The following RNF150 variants were observed in gnomAD, a reference collection of about 807,000 sequenced individuals.
RNF150 encodes the protein ring finger protein 150.
In RNF150, 24 loss-of-function variants were observed where a neutral mutation model predicts 39.3. The ratio of observed to expected loss-of-function variants is 0.61; its 90% CI spans 0.44 to 0.86. The LOEUF (loss-of-function observed/expected upper bound fraction) is 0.86, where lower values mean the gene tolerates loss of function less well. Among genes scored for constraint, RNF150 ranks in the 40% least tolerant of loss-of-function variants. The pLI, the probability that RNF150 is intolerant of heterozygous loss-of-function variation, is 0.00. For missense variants in RNF150, 502 were observed against 587.8 expected (o/e 0.85, Z 1.51); for synonymous variants, 255 against 227.3 (o/e 1.12, Z -1.10).
intron 1 of RNF150, among the ~76,000 whole-genome samples, chr4:141,024,299 G>A (rs1735608497): frequency 6.6e-6 from 1 of 152,094 alleles, no homozygotes; most frequent in Admixed American, 6.5e-5. Flanking sequence ...CTTAGCTTAA[G>A]AAGGCTGTCT....
intron 1 of RNF150, among the ~76,000 whole-genome samples, chr4:141,004,825 TAAC>T (rs1734805252): frequency 6.6e-6 from 1 of 152,160 alleles, no homozygotes; most frequent in African/African-American, 2.4e-5. Flanking sequence ...TAACAGAAGT[TAAC>T]AAATATCTAC....
intron 1 of RNF150, among the ~76,000 whole-genome samples, chr4:141,037,655 C>A (rs1329709880): frequency 6.6e-6 from 1 of 152,074 alleles, no homozygotes; most frequent in Non-Finnish European, 1.5e-5. Flanking sequence ...ATCAAAAGAG[C>A]CTTTTTCCCA....
intron 1 of RNF150, among the ~76,000 whole-genome samples, chr4:141,030,066 G>A (rs2110820601): frequency 6.6e-6 from 1 of 152,078 alleles, no homozygotes; most frequent in East Asian, 1.9e-4. Context: ...TGTGGTGGCA[G>A]GTGCCTTAGT....
At chr4:141,008,825 G>C (rs965586884) in intron 1 of RNF150, among the ~76,000 whole-genome samples, 1 of 151,802 alleles carries the variant, frequency 6.6e-6, no homozygotes, top group Non-Finnish European at 1.5e-5. Context: ...TTCATATCTG[G>C]TGGTGTAAGT....
chr4:141,153,615 G>A (rs1727336368), intron 1 of RNF150, among the ~76,000 whole-genome samples: 1 of 152,156 alleles, frequency 6.6e-6, no homozygotes, highest in African/African-American at 2.4e-5. Flanking sequence ...AGAAATAATG[G>A]TAAAACATCT....
At chr4:141,208,509 T>A (rs1243513735) in intron 1 of RNF150, among the ~76,000 whole-genome samples, 1 of 152,226 alleles carries the variant, frequency 6.6e-6, no homozygotes, top group Non-Finnish European at 1.5e-5. Flanking sequence ...GCCATCACCC[T>A]GTCAGGATAT....
intron 1 of RNF150, among the ~76,000 whole-genome samples, chr4:141,103,680 C>T (rs1388550522): frequency 2.0e-5 from 3 of 152,132 alleles, no homozygotes; most frequent in Admixed American, 1.3e-4. Context: ...TAATGGTTTC[C>T]TCTACTTCAT....
At position 141,129,869 on chromosome 4, in the gene RNF150, A is replaced by T. The variant is rs1476025697; in HGVS notation, c.484+2456T>A. ...TTAAACGACAGGTTGCATAACACTA[A>T]ATACAGACCTTCTCACCTGAAATCT... On this transcript the variant is annotated intron_variant, in intron 1 of 6. Transcript: ENST00000515673. 2.6e-5 allele frequency among the ~76,000 whole-genome samples: 4 copies of T among 152,222 alleles called. No homozygotes were observed. In the East Asian group the frequency reaches 7.7e-4, roughly 29 times the overall value.
chr4:140,976,338 A>G (rs989399239), intron 1 of RNF150, among the ~76,000 whole-genome samples: 2 of 151,772 alleles, frequency 1.3e-5, no homozygotes, highest in African/African-American at 4.8e-5. Context: ...CCATCTGCCA[A>G]CCTCCTGTTA....
At chr4:141,063,074 G>T (rs1472609091) in intron 1 of RNF150, among the ~76,000 whole-genome samples, 1 of 152,122 alleles carries the variant, frequency 6.6e-6, no homozygotes, top group African/African-American at 2.4e-5. Context: ...CCTATGCATT[G>T]TTTAGATAGA....
At chr4:141,061,058 A>G (rs1199004778) in intron 1 of RNF150, among the ~76,000 whole-genome samples, 1 of 152,110 alleles carries the variant, frequency 6.6e-6, no homozygotes, top group Non-Finnish European at 1.5e-5. Context: ...TGATGGGTGC[A>G]GCAAACCACC....
At chr4:140,901,956 G>T (rs1414395716) in intron 6 of RNF150, among the ~76,000 whole-genome samples, 1 of 152,164 alleles carries the variant, frequency 6.6e-6, no homozygotes, top group Non-Finnish European at 1.5e-5. Flanking sequence ...ATGGGAGTGG[G>T]GAAGAGGCAG....
rs186441081 is a variant in RNF150, at chr4:141,204,470, C to T, written c.-6+8324G>A. ...AGATAAAATTCCTTATCTACCTTTG[C>T]ATCTCTAGTACTTATTATATAGTAG... On this transcript the variant is annotated intron_variant, in intron 1 of 7. Transcript: ENST00000420921. 2.1e-3 allele frequency among the ~76,000 whole-genome samples: 322 copies of T among 152,300 alleles called. 2 individuals carry two copies. Among genetic ancestry groups the T allele is most frequent in the Non-Finnish European group, 3.6e-3 (243 of 68,018 alleles).
chr4:140,986,162 C>T (rs1041720557), intron 1 of RNF150, among the ~76,000 whole-genome samples: 3 of 152,024 alleles, frequency 2.0e-5, no homozygotes, highest in Non-Finnish European at 4.4e-5. Context: ...TAAGAAACAA[C>T]GTTACCCTCT....
At chr4:141,160,857 A>G (rs1223325695) in intron 1 of RNF150, among the ~76,000 whole-genome samples, 1 of 152,174 alleles carries the variant, frequency 6.6e-6, no homozygotes, top group Non-Finnish European at 1.5e-5. Context: ...TTCCTCTACA[A>G]TCTGTGGAAC....
intron 1 of RNF150, among the ~76,000 whole-genome samples, chr4:141,044,777 ACACACG>A (rs1434142965): frequency 1.4e-5 from 2 of 146,504 alleles, no homozygotes; most frequent in African/African-American, 5.3e-5. Context: ...CAGCGCACAC[ACACACG>A]CACACACACA....
At chr4:140,892,032 A>G (rs1729773152) in intron 6 of RNF150, among the ~76,000 whole-genome samples, 1 of 152,182 alleles carries the variant, frequency 6.6e-6, no homozygotes, top group African/African-American at 2.4e-5. Flanking sequence ...GGTGCCAAAA[A>G]GGTTGGGAAC....
At chr4:141,181,171 T>C (rs1311822923) in intron 1 of RNF150, among the ~76,000 whole-genome samples, 1 of 152,200 alleles carries the variant, frequency 6.6e-6, no homozygotes, top group African/African-American at 2.4e-5. Flanking sequence ...CTACTTGTGG[T>C]ACTTGTGGTG....
At chr4:141,003,566 TACACACAC>T (rs70946725) in intron 1 of RNF150, among the ~76,000 whole-genome samples, 7,720 of 142,506 alleles carry the variant, frequency 0.054, 260 homozygotes, top group Non-Finnish European at 0.078. Flanking sequence ...CCCTAGCACG[TACACACAC>T]ACACACACAC....
Sources: allele counts gnomAD v4.1 joint callset (sites outside exome capture counted in the v4.1 genomes callset), GRCh38; gene constraint gnomAD v4.1.1; transcripts MANE v1.5; gene names NCBI Gene and HGNC (gene_info 2026-07-23, HGNC 2026-07-21).